MGAT4C: variants seen among roughly 807,000 people sequenced by gnomAD.
MGAT4C encodes the protein MGAT4 family member C.
In MGAT4C, 19 loss-of-function variants were observed where a neutral mutation model predicts 40.1. The ratio of observed to expected loss-of-function variants is 0.47; its 90% CI spans 0.33 to 0.70. The LOEUF (loss-of-function observed/expected upper bound fraction) is 0.70, where lower values mean the gene tolerates loss of function less well. Among genes scored for constraint, MGAT4C ranks in the 30% least tolerant of loss-of-function variants. MGAT4C has a pLI of 0.02. For synonymous variants in MGAT4C, 181 were observed against 187.1 expected, an observed-to-expected ratio of 0.97 and a Z score of 0.27; for missense variants, 491 against 563.2, an observed-to-expected ratio of 0.87 and a Z score of 1.30.
intron 1 of MGAT4C, among the ~76,000 whole-genome samples, chr12:86,169,548 C>T (rs1023736321): frequency 6.6e-6 from 1 of 152,160 alleles, no homozygotes; most frequent in Non-Finnish European, 1.5e-5. Flanking sequence ...AGATACATAT[C>T]CAACAATTTA....
At chr12:86,195,090 C>T (rs1388631685) in intron 1 of MGAT4C, among the ~76,000 whole-genome samples, 1 of 152,184 alleles carries the variant, frequency 6.6e-6, no homozygotes, top group Non-Finnish European at 1.5e-5. Flanking sequence ...CATTGGTAAA[C>T]ATCAATCCTT....
intron 1 of MGAT4C, among the ~76,000 whole-genome samples, chr12:86,149,799 C>T (rs771880508): frequency 2.8e-4 from 43 of 152,200 alleles, no homozygotes; most frequent in Middle Eastern, 3.4e-3. Context: ...TCAAATACAA[C>T]ATTATGAAGA....
intron 2 of MGAT4C, among the ~76,000 whole-genome samples, chr12:86,643,661 T>C (rs1963455402): frequency 6.6e-6 from 1 of 151,816 alleles, no homozygotes; most frequent in Non-Finnish European, 1.5e-5. Context: ...AAACAGAAAG[T>C]AGGTTTACAA....
intron 1 of MGAT4C, among the ~76,000 whole-genome samples, chr12:86,755,655 C>G (rs1951293036): frequency 6.9e-6 from 1 of 144,164 alleles, no homozygotes; most frequent in African/African-American, 2.6e-5. Context: ...TCCTACCTTC[C>G]TTTCTTTTCT....
At chr12:86,520,063 T>C in intron 2 of MGAT4C, among the ~76,000 whole-genome samples, 1 of 152,344 alleles carries the variant, frequency 6.6e-6, no homozygotes, top group East Asian at 1.9e-4. Flanking sequence ...GTATTTCTTT[T>C]TAATTTAACA....
intron 2 of MGAT4C, among the ~76,000 whole-genome samples, chr12:86,558,098 A>G (rs2136404555): frequency 6.6e-6 from 1 of 152,222 alleles, no homozygotes; most frequent in African/African-American, 2.4e-5. Context: ...AAGAGCTACA[A>G]CAATAAACTA....
chr12:86,807,837 G>T (rs576799306), intron 1 of MGAT4C, among the ~76,000 whole-genome samples: 58 of 152,148 alleles, frequency 3.8e-4, no homozygotes, highest in African/African-American at 1.4e-3. Context: ...GCATGATATG[G>T]TATCTCATTG....
At chr12:86,245,343 AG>A in intron 1 of MGAT4C, among the ~76,000 whole-genome samples, 1 of 152,172 alleles carries the variant, frequency 6.6e-6, no homozygotes. Flanking sequence ...CTGCCCTTCT[AG>A]GCTTCCTGGA....
chr12:86,182,515 A>G (rs1176494287), intron 1 of MGAT4C, among the ~76,000 whole-genome samples: 1 of 151,756 alleles, frequency 6.6e-6, no homozygotes, highest in Non-Finnish European at 1.5e-5. Context: ...TTATATCCCT[A>G]TCCATTTGTC....
chr12:86,426,733 G>A (rs1035372823), intron 3 of MGAT4C, among the ~76,000 whole-genome samples: 3 of 152,168 alleles, frequency 2.0e-5, no homozygotes, highest in African/African-American at 7.2e-5. Flanking sequence ...GGATCACGAG[G>A]TCAGGAGATC....
intron 2 of MGAT4C, among the ~76,000 whole-genome samples, chr12:86,647,795 T>C (rs563906897): frequency 1.7e-4 from 26 of 151,942 alleles, no homozygotes; most frequent in Non-Finnish European, 3.5e-4. Flanking sequence ...TAATGAACGT[T>C]TATCAGCATT....
At chr12:86,020,534 T>C (rs917175865) in intron 2 of MGAT4C, among the ~76,000 whole-genome samples, 1 of 152,192 alleles carries the variant, frequency 6.6e-6, no homozygotes, top group African/African-American at 2.4e-5. Context: ...GCTAGCCATA[T>C]GTAGAAAGCT....
chr12:86,306,581 C>T lies in MGAT4C; in HGVS notation c.-57+27484G>A, dbSNP rs1406740507. ...AAGTATGAAGGTATGAAGGTTTTTC[C>T]TTTGTGATGATAAAGCATGTTTTGT... On this transcript the variant is annotated intron_variant, in intron 4 of 7. Coordinates refer to the MGAT4C transcript ENST00000548651. 2.0e-5 allele frequency among the ~76,000 whole-genome samples: 3 copies of T among 150,174 alleles called. 1 individual carries two copies. Among genetic ancestry groups the T allele is most frequent in the African/African-American group, 7.5e-5 (3 of 39,804 alleles).
At chr12:86,461,279 C>T (rs557873246) in intron 2 of MGAT4C, among the ~76,000 whole-genome samples, 11 of 146,766 alleles carry the variant, frequency 7.5e-5, no homozygotes, top group Non-Finnish European at 1.5e-4. Flanking sequence ...CGCTCTGTCG[C>T]CCAGGTCGGA....
chr12:86,179,275 C>A (rs1338515032), intron 1 of MGAT4C, among the ~76,000 whole-genome samples: 2 of 152,168 alleles, frequency 1.3e-5, no homozygotes, highest in Non-Finnish European at 2.9e-5. Context: ...TGAGGCCTCC[C>A]CAGCCATGTG....
At chr12:86,686,955 G>A (rs578068424) in intron 2 of MGAT4C, among the ~76,000 whole-genome samples, 21 of 152,216 alleles carry the variant, frequency 1.4e-4, no homozygotes, top group African/African-American at 3.4e-4. Context: ...CTGTGAATCC[G>A]TCTGGTCCTG....
chr12:86,302,858 T>C (rs1243062298), intron 4 of MGAT4C, among the ~76,000 whole-genome samples: 1 of 150,708 alleles, frequency 6.6e-6, no homozygotes, highest in South Asian at 2.1e-4. Flanking sequence ...GACATACTTC[T>C]GTTAGATGAA....
In MGAT4C at chr12:86,072,320, T is replaced by A. The variant is rs568325936; in HGVS notation, c.-56-22597A>T. Among the ~76,000 whole-genome samples, 206 of 152,000 alleles carry A rather than the reference T, an allele frequency of 1.4e-3. 2 individuals are homozygous for A. Among genetic ancestry groups the A allele is most frequent in the African/African-American group, 4.7e-3 (197 of 41,504 alleles). On this transcript the variant is annotated intron_variant, in intron 1 of 4. Coordinates refer to ENST00000611864, the MANE Select transcript of MGAT4C (RefSeq NM_001351288.2). ...AAGAGCTTTTTTAGAATTTCCTAAA[T>A]TTTTTTTGTTAGCTGTTTTTTTTTC...
chr12:86,791,398 T>A (rs964743667), intron 1 of MGAT4C, among the ~76,000 whole-genome samples: 53 of 151,886 alleles, frequency 3.5e-4, no homozygotes, highest in South Asian at 1.7e-3. Flanking sequence ...AGAAAAAAAA[T>A]TTTTAATGCA....
Sources: allele counts gnomAD v4.1 joint callset (sites outside exome capture counted in the v4.1 genomes callset), GRCh38; gene constraint gnomAD v4.1.1; transcripts MANE v1.5; gene names NCBI Gene and HGNC (gene_info 2026-07-23, HGNC 2026-07-21).